ADAM10: variants seen among roughly 807,000 people sequenced by gnomAD.
ADAM10 encodes ADAM metallopeptidase domain 10.
A neutral mutation model predicts 90.1 loss-of-function variants in ADAM10; 17 were observed. The ratio of observed to expected loss-of-function variants is 0.19; its 90% CI spans 0.13 to 0.28. The LOEUF is 0.28. Ranked by LOEUF, ADAM10 falls within the 10% of genes least tolerant of loss-of-function variation. ADAM10 has a pLI of 1.00. For synonymous variants in ADAM10, 310 were observed against 298.6 expected, an observed-to-expected ratio of 1.04 and a Z score of -0.40; for missense variants, 610 against 914.3, an observed-to-expected ratio of 0.67 and a Z score of 4.29.
chr15:58,651,326 G>A (rs1290054611), intron 5 of ADAM10, among the ~76,000 whole-genome samples: 1 of 152,018 alleles, frequency 6.6e-6, no homozygotes, highest in Non-Finnish European at 1.5e-5. Flanking sequence ...GCCCTGCTGT[G>A]CTTTCAAATA....
intron 2 of ADAM10, among the ~76,000 whole-genome samples, chr15:58,697,255 C>G (rs1407650864): frequency 6.6e-6 from 1 of 152,140 alleles, no homozygotes; most frequent in East Asian, 1.9e-4. Flanking sequence ...GACTACCCTG[C>G]CCACAGCTGC....
intron 4 of ADAM10, among the ~76,000 whole-genome samples, chr15:58,677,360 A>G (rs1596058051): frequency 6.6e-6 from 1 of 152,134 alleles, no homozygotes; most frequent in African/African-American, 2.4e-5. Flanking sequence ...TAAAGCATTT[A>G]AATGCCAAAA....
chr15:58,737,549 C>T (rs1292420051), intron 1 of ADAM10, among the ~76,000 whole-genome samples: 1 of 152,152 alleles, frequency 6.6e-6, no homozygotes, highest in Non-Finnish European at 1.5e-5. Flanking sequence ...CCTGATCCTC[C>T]TCTCTCATTT....
chr15:58,713,038 G>C (rs545890771), intron 2 of ADAM10, among the ~76,000 whole-genome samples: 3 of 152,172 alleles, frequency 2.0e-5, no homozygotes, highest in Non-Finnish European at 4.4e-5. Flanking sequence ...GGATGACATA[G>C]AGTATAAAAT....
intron 11 of ADAM10, 101 bp downstream of exon 11, chr15:58,621,370 T>C: frequency 6.9e-7 from 1 of 1,459,692 alleles, no homozygotes; most frequent in Non-Finnish European, 9.6e-7. Context: ...AAAGCAAAGT[T>C]TCAAAACCAT....
In ADAM10 at chr15:58,590,092, T is replaced by G. The variant is rs1894793997; in HGVS notation, c.*7455A>C. On this transcript the variant is annotated 3_prime_UTR_variant, in exon 16 of 16. Coordinates refer to ENST00000260408, the MANE Select transcript of ADAM10 (RefSeq NM_001110.4). ...TATTAAAAATTCTATGTAATCTATT[T>G]AAACTCTCTTCATCCATCATATTTT... 6.6e-6 allele frequency: 1 copy of G among 152,232 alleles called. No individual in the cohort carries two copies. Among genetic ancestry groups the G allele is most frequent in the Non-Finnish European group, 1.5e-5 (1 of 68,054 alleles). The allele number at this position is 152,232 out of a possible 1,614,324, so 9.4% of individuals were successfully genotyped here.
At position 58,633,116 on chromosome 15, in the gene ADAM10, C is replaced by A. The variant is rs112185312; in HGVS notation, c.1176+80G>T. ...ACACTCGTAAGTACATTTGTTTTCA[C>A]GGTGAATTTTAAATAAATCACTCAA... On this transcript the variant is annotated intron_variant, in intron 9 of 15. Coordinates refer to ENST00000260408, the MANE Select transcript of ADAM10 (RefSeq NM_001110.4). The A allele has an allele frequency of 2.4e-3, 3,190 of 1,351,818 alleles. 54 individuals carry two copies. The African/African-American group carries it at 0.037, about 16-fold the overall frequency. The allele number at this position is 1,351,818 out of a possible 1,614,324, so 83.7% of individuals were successfully genotyped here.
rs1898709641 is a variant in ADAM10 at position 58,717,723 on chromosome 15, C to T, written c.60G>A (p.Gln20=). The T allele has an allele frequency of 2.5e-6, 4 of 1,611,220 alleles. No individual in the cohort carries two copies. The highest frequency in any genetic ancestry group is 8.5e-7 in the Non-Finnish European group (1 of 1,179,016). ...LLSWAAGMGG[Q]YGNPLNKYIR... is the part of the protein sequence containing the mutation. ...TATATTTATTTAAAGGATTCCCATA[C>T]TGACCTATAAAAAAAAAACAACATT... The change falls in exon 2 of 16, where the codon CAG becomes CAA. Residue 20 remains glutamine (Q), a synonymous_variant. Transcript: ENST00000260408.
chr15:58,655,687 TTATATATAGTATATA>T (rs1157402160), intron 5 of ADAM10, among the ~76,000 whole-genome samples: 7 of 80,294 alleles, frequency 8.7e-5, no homozygotes, highest in Non-Finnish European at 1.5e-4. Context: ...CATATATATA[TTATATATAGTATATA>T]TATATATAGT....
At chr15:58,656,556 A>C (rs1170454282) in intron 5 of ADAM10, among the ~76,000 whole-genome samples, 1 of 152,164 alleles carries the variant, frequency 6.6e-6, no homozygotes, top group Non-Finnish European at 1.5e-5. Context: ...ACTGATGACA[A>C]CAGTGATTGC....
chr15:58,673,583 T>C (rs1253246173), intron 4 of ADAM10, among the ~76,000 whole-genome samples: 1 of 151,516 alleles, frequency 6.6e-6, no homozygotes, highest in East Asian at 1.9e-4. Context: ...ATATAACTAA[T>C]CAGAAAAGAA....
In ADAM10 at chr15:58,599,780, G is replaced by A. The variant is rs749215298; in HGVS notation, c.2026-56C>T. 1.2e-5 allele frequency: 18 copies of A among 1,552,584 alleles called. No individual in the cohort carries two copies. The Middle Eastern group carries it at 5.1e-4, about 44-fold the overall frequency. ...AAAAAAAACTACAAAATATTTTAGA[G>A]TATCTTTTACAGTATATAAAACATA... On this transcript the variant is annotated intron_variant, in intron 14 of 15. Transcript: ENST00000260408.
At chr15:58,642,553 G>A (rs935145427) in intron 7 of ADAM10, among the ~76,000 whole-genome samples, 18 of 151,984 alleles carry the variant, frequency 1.2e-4, no homozygotes, top group African/African-American at 4.3e-4. Context: ...AAATTAATAG[G>A]TTATGAACAA....
At chr15:58,688,766 T>TTATATATATATATATATATATATA (rs780219725) in intron 2 of ADAM10, among the ~76,000 whole-genome samples, 33 of 121,836 alleles carry the variant, frequency 2.7e-4, no homozygotes, top group African/African-American at 8.8e-4. Flanking sequence ...AAAAAAAAAA[T>TTATATATATATATATATATATATA]TATATATATA....
At chr15:58,719,784 C>T (rs896250998) in intron 1 of ADAM10, among the ~76,000 whole-genome samples, 2 of 152,114 alleles carry the variant, frequency 1.3e-5, no homozygotes, top group African/African-American at 2.4e-5. Flanking sequence ...TTTCCCAGAT[C>T]GAATAGAAAA....
chr15:58,617,036 G>C (rs1302675806), intron 11 of ADAM10, among the ~76,000 whole-genome samples: 5 of 152,128 alleles, frequency 3.3e-5, no homozygotes, highest in African/African-American at 1.2e-4. Flanking sequence ...GTGAATCCAG[G>C]AGACGGAGCT....
intron 2 of ADAM10, 133 bp downstream of exon 2, chr15:58,717,444 A>G (rs1898698798): frequency 6.1e-6 from 7 of 1,150,266 alleles, no homozygotes; most frequent in Non-Finnish European, 8.7e-6. Flanking sequence ...TGCATATACC[A>G]AATTCCAGTG....
intron 11 of ADAM10, among the ~76,000 whole-genome samples, chr15:58,615,239 A>C (rs1595992533): frequency 6.9e-6 from 1 of 144,622 alleles, no homozygotes; most frequent in Non-Finnish European, 1.5e-5. Context: ...GCACCACTGC[A>C]CTCGAGCCTG....
At chr15:58,742,241 A>T (rs1046280160) in intron 1 of ADAM10, among the ~76,000 whole-genome samples, 12 of 152,176 alleles carry the variant, frequency 7.9e-5, no homozygotes, top group African/African-American at 2.9e-4. Flanking sequence ...CAGTAGTACA[A>T]GTGGACTGTA....
Sources: allele counts gnomAD v4.1 joint callset (sites outside exome capture counted in the v4.1 genomes callset), GRCh38; gene constraint gnomAD v4.1.1; transcripts MANE v1.5; gene names NCBI Gene and HGNC (gene_info 2026-07-23, HGNC 2026-07-21).